Variants in CYLD observed in about 807,000 individuals in gnomAD.
CYLD encodes the protein CYLD lysine 63 deubiquitinase.
In CYLD, 26 loss-of-function variants were observed where a neutral mutation model predicts 104.5. The ratio of observed to expected loss-of-function variants is 0.25; its 90% CI spans 0.18 to 0.35. The LOEUF (loss-of-function observed/expected upper bound fraction) is 0.35. CYLD is among the 10% of genes least tolerant of loss of function. The pLI, the probability that CYLD is intolerant of heterozygous loss-of-function variation, is 1.00. For missense variants in CYLD, 703 were observed against 1,136.1 expected (o/e 0.62, Z 5.48); for synonymous variants, 385 against 399.9 (o/e 0.96, Z 0.45).
intron 4 of CYLD, among the ~76,000 whole-genome samples, chr16:50,752,622 T>C (rs1966721764): frequency 6.6e-6 from 1 of 152,216 alleles, no homozygotes; most frequent in African/African-American, 2.4e-5. Flanking sequence ...TCTCCAGAAC[T>C]TTTTCATCAT....
Position 50,794,784 on chromosome 16 carries a change from C to A in CYLD, c.2686+356C>A. ...TACACGCATATGCCACCATGCCTGG[C>A]TAATTTTTGTATTTTTAGTAGAGAT... is the stretch of plus-strand genomic sequence containing the variant. On this transcript the variant is annotated intron_variant, in intron 18 of 18. Transcript: ENST00000427738. This position sits in a 1 kb window ranked among gnomAD's most constrained non-coding sequence, Gnocchi z 4.1. 1 of 332,978 alleles carries A rather than the reference C, an allele frequency of 3.0e-6. No individual in the cohort carries two copies. Among genetic ancestry groups the A allele is most frequent in the South Asian group, 2.6e-5 (1 of 39,192 alleles). 20.6% of individuals were successfully genotyped at this position (332,978 alleles called of 1,614,324 possible). A position where few individuals can be genotyped will look rare whatever the true frequency, so the allele number is the denominator to read the frequency against.
At chr16:50,754,924 T>C (rs1966860324) in intron 5 of CYLD, among the ~76,000 whole-genome samples, 1 of 148,354 alleles carries the variant, frequency 6.7e-6, no homozygotes, top group Non-Finnish European at 1.5e-5. Flanking sequence ...TGTATACATA[T>C]ATACACACAT....
chr16:50,751,611 G>A lies in CYLD; in HGVS notation c.512G>A (p.Gly171Asp). The A allele has an allele frequency of 6.2e-7, 1 of 1,613,400 alleles. No individual in the cohort carries two copies. Among genetic ancestry groups the A allele is most frequent in the Non-Finnish European group, 8.5e-7 (1 of 1,179,542 alleles). ...TTCTCTCTTAAAAACTAGGAAGAAG[G>A]TCGTGGTCAAGGTTTCACTGACGGG... ...IFFGVELLEEGRGQGFTDGVY... is the reference protein window; with the variant it reads ...IFFGVELLEEDRGQGFTDGVY... Residue 171 changes from glycine to aspartate, a missense_variant, in exon 4 of 19, where the codon GGT becomes GAT. Physicochemically the swap from Gly to Asp is moderately conservative, Grantham distance 94 (BLOSUM62 -1). Transcript: ENST00000427738.
In CYLD at chr16:50,788,765, AT is replaced by A; in HGVS notation, c.2108+914del. The stretch of plus-strand genomic sequence containing the variant: ...AATTCATAATTTGTCTATGTAAAAT[AT>A]CCATGGAAAAATCAATAGCATTTCT... On this transcript the variant is annotated intron_variant, in intron 14 of 18. Transcript: ENST00000427738. Among the ~76,000 whole-genome samples the A allele has an allele frequency of 2.0e-5, 3 of 152,362 alleles. No homozygotes were observed. In the Middle Eastern group the frequency reaches 0.01, roughly 518 times the overall value.
At chr16:50,755,162 CGTGT>C (rs1967043491) in intron 5 of CYLD, among the ~76,000 whole-genome samples, 1 of 48,952 alleles carries the variant, frequency 2.0e-5, no homozygotes, top group African/African-American at 1.2e-4. Context: ...TATATACACA[CGTGT>C]ACATATGTGT....
At chr16:50,759,526 T>C (rs560716026) in intron 5 of CYLD, among the ~76,000 whole-genome samples, 1 of 152,250 alleles carries the variant, frequency 6.6e-6, no homozygotes, top group East Asian at 1.9e-4. Context: ...TTGAACTTAA[T>C]GTAGTTAAAA....
At chr16:50,744,213 T>A (rs946434068) in intron 2 of CYLD, among the ~76,000 whole-genome samples, 1 of 152,010 alleles carries the variant, frequency 6.6e-6, no homozygotes, top group African/African-American at 2.4e-5. Context: ...TTTAACCTTA[T>A]AAATCCCACT....
In CYLD at chr16:50,781,250, A is replaced by G; in HGVS notation, c.1523A>G (p.Asp508Gly). 6.2e-7 allele frequency: 1 copy of G among 1,613,920 alleles called. No individual in the cohort carries two copies. Among genetic ancestry groups the G allele is most frequent in the Non-Finnish European group, 8.5e-7 (1 of 1,179,826 alleles). Residue 508 changes from aspartate (D) to glycine (G), a missense_variant, in exon 10 of 19, where the codon GAT becomes GGT. Physicochemically the swap from Asp to Gly is moderately conservative, Grantham distance 94. This residue lies in a region of CYLD where 125 missense variants were observed against 325.4 expected (regional missense o/e 0.38). Coordinates refer to ENST00000427738, the MANE Select transcript of CYLD (RefSeq NM_001378743.1). ...NEVLAGLELE[D>G]ECAGCTDGTF... ...ATTGAAGCATTTCTTTTTCAGGAAG[A>G]TGAGTGTGCAGGCTGTACGGATGGA...
intron 5 of CYLD, among the ~76,000 whole-genome samples, chr16:50,764,771 A>T (rs1243448827): frequency 6.6e-6 from 1 of 152,206 alleles, no homozygotes; most frequent in Non-Finnish European, 1.5e-5. Flanking sequence ...AGGTGAGAGT[A>T]CTACTGGCCT....
intron 13 of CYLD, 45 bp downstream of exon 13, chr16:50,786,991 AT>A (rs1367112448): frequency 3.5e-6 from 5 of 1,442,392 alleles, no homozygotes; most frequent in Non-Finnish European, 3.9e-6. Flanking sequence ...TGAAGAGCAT[AT>A]TCACATGTCA....
intron 10 of CYLD, among the ~76,000 whole-genome samples, chr16:50,781,648 G>GT (rs1970225308): frequency 6.6e-6 from 1 of 151,990 alleles, no homozygotes; most frequent in Admixed American, 6.6e-5. Context: ...AGTGTGGTTT[G>GT]TTTTTCTCTT....
At position 50,794,238 on chromosome 16, in the gene CYLD, T is replaced by G. The variant is rs753990020; in HGVS notation, c.2496T>G (p.Asn832Lys). 6.2e-7 allele frequency: 1 copy of G among 1,614,216 alleles called. No homozygotes were observed. Among genetic ancestry groups the G allele is most frequent in the Non-Finnish European group, 8.5e-7 (1 of 1,180,042 alleles). ...TCCACCTTCATCCGAAGAGGCTGAA[T>G]CATAAATATAACCCAGTGTCACTTC... ...TQVHLHPKRLNHKYNPVSLPK... is the reference protein window; with the variant it reads ...TQVHLHPKRLKHKYNPVSLPK... The change falls in exon 18 of 19, where the codon AAT becomes AAG. Residue 832 changes from asparagine to lysine, a missense_variant. By Grantham distance (94) the Asn-to-Lys change is moderately conservative (BLOSUM62 0). Around this residue, in one of 5 missense-constraint regions of CYLD, gnomAD observed 130 missense variants for 220.2 expected, o/e 0.59. Transcript: ENST00000427738. The surrounding 1 kb of genome is among the most constrained non-coding windows in gnomAD (Gnocchi z 4.1).
chr16:50,752,843 T>G (rs955431068), intron 4 of CYLD, among the ~76,000 whole-genome samples: 4 of 152,206 alleles, frequency 2.6e-5, no homozygotes, highest in African/African-American at 4.8e-5. Context: ...TCCATTCCAG[T>G]GTGGTTCATT....
chr16:50,755,818 C>T (rs989955738), intron 5 of CYLD, among the ~76,000 whole-genome samples: 1 of 152,002 alleles, frequency 6.6e-6, no homozygotes, highest in African/African-American at 2.4e-5. Flanking sequence ...AAGATTTTCT[C>T]CCACTCTACT....
chr16:50,783,303 G>T (rs1268200271), intron 11 of CYLD, among the ~76,000 whole-genome samples: 1 of 152,038 alleles, frequency 6.6e-6, no homozygotes, highest in Admixed American at 6.6e-5. Context: ...ATTGTAGACT[G>T]GGCTAAATTG....
At chr16:50,746,506 C>A (rs996248683) in intron 2 of CYLD, among the ~76,000 whole-genome samples, 1 of 152,124 alleles carries the variant, frequency 6.6e-6, no homozygotes, top group Non-Finnish European at 1.5e-5. Context: ...AAGGCTGTAT[C>A]CTTTATTTTT....
chr16:50,793,101 C>G (rs1380561669), intron 16 of CYLD, among the ~76,000 whole-genome samples: 1 of 147,384 alleles, frequency 6.8e-6, no homozygotes, highest in African/African-American at 2.6e-5. Flanking sequence ...ATATATTCTA[C>G]AAAAGGAGCC....
chr16:50,746,274 G>A lies in CYLD; in HGVS notation c.-123-3302G>A, dbSNP rs556651942. 2.0e-5 allele frequency among the ~76,000 whole-genome samples: 3 copies of A among 152,334 alleles called. No homozygotes were observed. The South Asian group carries it at 6.2e-4, about 32-fold the overall frequency. On this transcript the variant is annotated intron_variant, in intron 2 of 18. Transcript: ENST00000427738. Reference sequence around the variant, plus strand: ...GCTGGTCTCAAACTCCTGGGCTCAAGCTGTCCACTCACCTTGGCTTCCCAA... The same window carrying A: ...GCTGGTCTCAAACTCCTGGGCTCAAACTGTCCACTCACCTTGGCTTCCCAA...
At chr16:50,787,724 GA>G in intron 13 of CYLD, 61 bp from the exon 14 acceptor site, 1 of 897,184 alleles carries the variant, frequency 1.1e-6, no homozygotes, top group Admixed American at 2.1e-5. Flanking sequence ...TGTTAGAAAT[GA>G]AAAATAAAAT....
Sources: gnomAD v4.1 joint callset for allele counts (sites outside exome capture counted in the v4.1 genomes callset) on GRCh38, gnomAD v4.1.1 for gene constraint, gnomAD v4.1.1 regional missense constraint, Gnocchi (gnomAD v3.1) non-coding constraint, MANE v1.5 for transcripts, NCBI Gene and HGNC (gene_info 2026-07-23, HGNC 2026-07-21) for gene names.